The following VPS53 variants were observed in gnomAD, a reference collection of about 807,000 sequenced individuals.
VPS53 encodes vacuolar protein sorting-associated protein 53 homolog.
In VPS53, 70 loss-of-function variants were observed where a neutral mutation model predicts 107.0. That is an observed-to-expected ratio of 0.65 (90% CI 0.54 to 0.80). The LOEUF is 0.80. Ranked by LOEUF, VPS53 falls within the 30% of genes least tolerant of loss-of-function variation. The pLI, the probability that VPS53 is intolerant of heterozygous loss-of-function variation, is 0.00. For missense variants in VPS53, 917 were observed against 1,049.4 expected (o/e 0.87, Z 1.74); for synonymous variants, 409 against 393.3 (o/e 1.04, Z -0.47).
At chr17:678,708 G>A (rs1363324183) in intron 4 of VPS53, among the ~76,000 whole-genome samples, 1 of 151,600 alleles carries the variant, frequency 6.6e-6, no homozygotes, top group East Asian at 2.0e-4. Context: ...GCATGATCTC[G>A]GCTCACTGCA....
In VPS53 at chr17:625,634, A is replaced by G. The variant is rs138731482; in HGVS notation, c.974+1540T>C. ...TGGCGGAAGGTGCCGACCATGGGGA[A>G]GACTATGCACGTGGGGCCGGGAGCA... On this transcript the variant is annotated intron_variant, in intron 10 of 21. Transcript: ENST00000437048. Among the ~76,000 whole-genome samples the G allele has an allele frequency of 7.9e-3, 1,201 of 152,308 alleles. 17 individuals are homozygous for G. The highest frequency in any genetic ancestry group is 0.027 in the African/African-American group (1,117 of 41,562).
At chr17:574,009 G>A (rs1204369163) in intron 13 of VPS53, among the ~76,000 whole-genome samples, 1 of 152,184 alleles carries the variant, frequency 6.6e-6, no homozygotes, top group African/African-American at 2.4e-5. Context: ...TTTGACAAGA[G>A]CGTCGATGCT....
At chr17:713,919 C>A (rs1973742350) in intron 1 of VPS53, among the ~76,000 whole-genome samples, 1 of 151,110 alleles carries the variant, frequency 6.6e-6, no homozygotes, top group South Asian at 2.1e-4. Flanking sequence ...GTGGCGTGCG[C>A]CTGTAATCAC....
chr17:653,541 T>C, intron 6 of VPS53, 131 bp from the exon 7 acceptor site: 1 of 1,390,604 alleles, frequency 7.2e-7, no homozygotes, highest in Non-Finnish European at 9.7e-7. Flanking sequence ...GCACTGAGTA[T>C]ATAAGCTGCT....
At chr17:614,089 A>G (rs367778706) in intron 11 of VPS53, among the ~76,000 whole-genome samples, 124 of 152,354 alleles carry the variant, frequency 8.1e-4, no homozygotes, top group Non-Finnish European at 1.5e-3. Flanking sequence ...ACAAAAGTCA[A>G]TTCGTAACTG....
intron 11 of VPS53, among the ~76,000 whole-genome samples, chr17:607,136 G>A (rs1051519257): frequency 2.6e-5 from 4 of 152,208 alleles, no homozygotes; most frequent in Non-Finnish European, 5.9e-5. Context: ...GGTGAGCTAC[G>A]AAACAAGGCA....
intron 19 of VPS53, among the ~76,000 whole-genome samples, chr17:522,547 C>A (rs1908835448): frequency 6.6e-6 from 1 of 152,224 alleles, no homozygotes; most frequent in South Asian, 2.1e-4. Context: ...CCATTTACAC[C>A]TCTGCCAGCC....
intron 15 of VPS53, among the ~76,000 whole-genome samples, chr17:556,941 G>GCTGAAGGGGGGGGGCC (rs1912475598): frequency 1.3e-5 from 2 of 151,566 alleles, no homozygotes; most frequent in Admixed American, 6.6e-5. Flanking sequence ...GGGGCTCTCT[G>GCTGAAGGGGGGGGGCC]AGGAGGTGAT....
chr17:710,665 T>C (rs776873963), intron 1 of VPS53, 52 bp from the exon 2 acceptor site: 8 of 1,347,644 alleles, frequency 5.9e-6, no homozygotes, highest in Middle Eastern at 1.9e-4. Flanking sequence ...ACCGTAAATA[T>C]ATATAATTTT....
intron 7 of VPS53, among the ~76,000 whole-genome samples, chr17:635,865 G>A (rs1970178322): frequency 6.6e-6 from 1 of 152,200 alleles, no homozygotes; most frequent in Non-Finnish European, 1.5e-5. Flanking sequence ...GCTTAAGATT[G>A]TCTTGGCAAT....
intron 7 of VPS53, among the ~76,000 whole-genome samples, chr17:637,464 T>C (rs961036076): frequency 1.3e-5 from 2 of 152,206 alleles, no homozygotes; most frequent in African/African-American, 2.4e-5. Flanking sequence ...CTGCGAGCTT[T>C]TGAATGTGTT....
intron 5 of VPS53, among the ~76,000 whole-genome samples, chr17:660,054 T>C (rs1051575886): frequency 3.9e-5 from 6 of 152,096 alleles, no homozygotes; most frequent in Non-Finnish European, 8.8e-5. Flanking sequence ...AGACCACCTG[T>C]GAGACAGAAT....
intron 5 of VPS53, among the ~76,000 whole-genome samples, chr17:657,916 G>A (rs1442244153): frequency 2.0e-5 from 3 of 152,032 alleles, no homozygotes; most frequent in African/African-American, 7.2e-5. Context: ...AAACTCGGCC[G>A]TGAGTTCTTG....
At chr17:599,159 C>T (rs1438663244) in intron 12 of VPS53, among the ~76,000 whole-genome samples, 3 of 150,372 alleles carry the variant, frequency 2.0e-5, no homozygotes, top group South Asian at 4.2e-4. Context: ...GGCCAGCCGC[C>T]CCGCCCGGGA....
At chr17:615,068 C>A (rs1309466355) in intron 11 of VPS53, among the ~76,000 whole-genome samples, 1 of 152,192 alleles carries the variant, frequency 6.6e-6, no homozygotes, top group African/African-American at 2.4e-5. Flanking sequence ...ATCTAATCAT[C>A]AAGTCACTAA....
intron 12 of VPS53, among the ~76,000 whole-genome samples, chr17:589,007 G>A (rs1967488778): frequency 6.6e-6 from 1 of 152,180 alleles, no homozygotes; most frequent in South Asian, 2.1e-4. Flanking sequence ...CATGGATTCA[G>A]ATTTGGAAAA....
At chr17:706,949 G>A (rs537567022) in intron 2 of VPS53, among the ~76,000 whole-genome samples, 123 of 152,222 alleles carry the variant, frequency 8.1e-4, no homozygotes, top group Admixed American at 1.8e-3. Context: ...ATGGCTGCCA[G>A]ACGGAATTTT....
chr17:707,148 G>A (rs924134358), intron 2 of VPS53, among the ~76,000 whole-genome samples: 2 of 4,352 alleles, frequency 4.6e-4, no homozygotes, highest in Non-Finnish European at 2.3e-3. Context: ...AAATACTACT[G>A]AAGCCTAACA....
chr17:649,710 C>A (rs1387474007), intron 7 of VPS53, among the ~76,000 whole-genome samples: 2 of 150,744 alleles, frequency 1.3e-5, no homozygotes. Context: ...GGAACACGCA[C>A]TGAAGATCTT....
Sources: gnomAD v4.1 joint callset for allele counts (sites outside exome capture counted in the v4.1 genomes callset) on GRCh38, gnomAD v4.1.1 for gene constraint, MANE v1.5 for transcripts, NCBI Gene and HGNC (gene_info 2026-07-23, HGNC 2026-07-21) for gene names.